Variants in SLC22A3 observed in about 807,000 individuals in gnomAD.
SLC22A3 encodes the protein EMT organic cation transporter 3.
Under a neutral mutation model 59.1 loss-of-function variants are expected in SLC22A3, and 51 were observed. The ratio of observed to expected loss-of-function variants is 0.86; its 90% CI spans 0.69 to 1.09. SLC22A3 has a LOEUF of 1.09. SLC22A3 is among the 50% of genes least tolerant of loss of function. The pLI, the probability that SLC22A3 is intolerant of heterozygous loss-of-function variation, is 0.00. For synonymous variants in SLC22A3, 325 were observed against 292.0 expected (o/e 1.11, Z -1.15); for missense variants, 711 against 726.3 (o/e 0.98, Z 0.24).
chr6:160,363,923 G>C (rs1785112539), intron 1 of SLC22A3, among the ~76,000 whole-genome samples: 2 of 151,840 alleles, frequency 1.3e-5, no homozygotes, highest in African/African-American at 4.8e-5. Flanking sequence ...TGGGAGTGAA[G>C]GGGTTTCCTG....
rs1355430626 is a variant in SLC22A3 at position 160,452,256 on chromosome 6, A to G, written c.*1200A>G. The G allele has an allele frequency of 1.3e-5, 2 of 152,210 alleles. No homozygotes were observed. Among genetic ancestry groups the G allele is most frequent in the Non-Finnish European group, 2.9e-5 (2 of 68,034 alleles). 9.4% of individuals were successfully genotyped at this position (152,210 alleles called of 1,614,324 possible). ...GAAATACTTTATGCAAACAGGCAAA[A>G]TTGGTACCAAAGGGAAACATTAACC... On this transcript the variant is annotated 3_prime_UTR_variant, in exon 11 of 11. Coordinates refer to ENST00000275300, the MANE Select transcript of SLC22A3 (RefSeq NM_021977.4).
At chr6:160,375,381 A>G (rs1356722723) in intron 1 of SLC22A3, among the ~76,000 whole-genome samples, 1 of 152,216 alleles carries the variant, frequency 6.6e-6, no homozygotes, top group Admixed American at 6.5e-5. Flanking sequence ...TTCTTTGCAA[A>G]GCAAACATAA....
At chr6:160,387,663 G>A (rs1786076592) in intron 1 of SLC22A3, among the ~76,000 whole-genome samples, 1 of 152,046 alleles carries the variant, frequency 6.6e-6, no homozygotes, top group African/African-American at 2.4e-5. Flanking sequence ...AGGAAATGCT[G>A]CCCTAGACTT....
At chr6:160,412,360 T>C (rs1787290383) in intron 5 of SLC22A3, among the ~76,000 whole-genome samples, 1 of 152,160 alleles carries the variant, frequency 6.6e-6, no homozygotes, top group South Asian at 2.1e-4. Context: ...TGAAACTCTG[T>C]CTAAAAAAGA....
chr6:160,366,271 T>G (rs1785201327), intron 1 of SLC22A3, among the ~76,000 whole-genome samples: 1 of 152,110 alleles, frequency 6.6e-6, no homozygotes, highest in African/African-American at 2.4e-5. Context: ...CAAAAGTAAT[T>G]TAGTTACTTC....
intron 7 of SLC22A3, among the ~76,000 whole-genome samples, chr6:160,438,490 T>A (rs145253121): frequency 7.2e-5 from 11 of 152,102 alleles, no homozygotes; most frequent in Admixed American, 5.2e-4. Context: ...CATTTACAGA[T>A]GAGTTTATTA....
At chr6:160,425,941 G>A in intron 5 of SLC22A3, 2 of 985,410 alleles carry the variant, frequency 2.0e-6, no homozygotes, top group African/African-American at 3.5e-5. Context: ...GATGGCGTGT[G>A]CTACTGGCTT....
At chr6:160,380,711 A>T (rs1051566565) in intron 1 of SLC22A3, among the ~76,000 whole-genome samples, 1 of 152,188 alleles carries the variant, frequency 6.6e-6, no homozygotes, top group Non-Finnish European at 1.5e-5. Flanking sequence ...TAATCTTTTT[A>T]AAATTATTTG....
chr6:160,367,255 A>C (rs1785237731), intron 1 of SLC22A3, among the ~76,000 whole-genome samples: 1 of 152,176 alleles, frequency 6.6e-6, no homozygotes, highest in Non-Finnish European at 1.5e-5. Flanking sequence ...AGAAGTGCTG[A>C]GCAGAAGGGG....
In SLC22A3 at chr6:160,447,761, C is replaced by T. The variant is rs754400154; in HGVS notation, c.1553C>T (p.Pro518Leu). ...SICGGLVMLL[P>L]ETKGIALPET... ...TGTGGTGGCCTTGTGATGCTTTTGC[C>T]TGAAACCAAGGGTATTGCCTTGCCA... The change falls in exon 10 of 11, where the codon CCT becomes CTT. Residue 518 changes from proline (P) to leucine (L), a missense_variant. Pro to Leu is a moderately conservative substitution (Grantham distance 98). Coordinates refer to ENST00000275300, the MANE Select transcript of SLC22A3 (RefSeq NM_021977.4). The T allele has an allele frequency of 9.3e-6, 15 of 1,613,932 alleles. No individual in the cohort carries two copies. Among genetic ancestry groups the T allele is most frequent in the Non-Finnish European group, 1.3e-5 (15 of 1,180,006 alleles).
At chr6:160,379,277 C>A (rs906662711) in intron 1 of SLC22A3, among the ~76,000 whole-genome samples, 1 of 152,054 alleles carries the variant, frequency 6.6e-6, no homozygotes, top group Non-Finnish European at 1.5e-5. Flanking sequence ...CCCTTGATAC[C>A]CTGTCTACAT....
intron 1 of SLC22A3, among the ~76,000 whole-genome samples, chr6:160,365,472 C>T (rs556152116): frequency 1.3e-5 from 2 of 152,282 alleles, no homozygotes; most frequent in South Asian, 4.1e-4. Flanking sequence ...TCCAATGGGT[C>T]TGGGGTAGGG....
chr6:160,418,245 G>A (rs1427796217), intron 5 of SLC22A3, among the ~76,000 whole-genome samples: 2 of 152,180 alleles, frequency 1.3e-5, no homozygotes, highest in African/African-American at 2.4e-5. Flanking sequence ...GTCTTGCTGA[G>A]TCTTCTAGCT....
intron 5 of SLC22A3, among the ~76,000 whole-genome samples, chr6:160,427,888 AC>A (rs1788020009): frequency 6.6e-6 from 1 of 152,014 alleles, no homozygotes; most frequent in African/African-American, 2.4e-5. Flanking sequence ...GATATTTAGA[AC>A]CTTTCTATTT....
At chr6:160,428,451 G>A (rs1788042242) in intron 5 of SLC22A3, among the ~76,000 whole-genome samples, 1 of 152,202 alleles carries the variant, frequency 6.6e-6, no homozygotes, top group Non-Finnish European at 1.5e-5. Flanking sequence ...CATGAGATGT[G>A]GCAAGTCTGA....
intron 10 of SLC22A3, among the ~76,000 whole-genome samples, chr6:160,449,013 G>A (rs1388718140): frequency 6.6e-6 from 1 of 152,124 alleles, no homozygotes; most frequent in Non-Finnish European, 1.5e-5. Context: ...CTGAGGAACA[G>A]CTTTCTTCCC....
intron 1 of SLC22A3, among the ~76,000 whole-genome samples, chr6:160,354,815 T>C (rs1340302880): frequency 6.6e-6 from 1 of 152,072 alleles, no homozygotes; most frequent in Non-Finnish European, 1.5e-5. Context: ...ACTAATTTGC[T>C]CTAAAGGCTG....
At chr6:160,414,915 A>G (rs1787410764) in intron 5 of SLC22A3, among the ~76,000 whole-genome samples, 1 of 152,120 alleles carries the variant, frequency 6.6e-6, no homozygotes, top group Admixed American at 6.5e-5. Context: ...AAATTGCTCC[A>G]TCTTTGGGCA....
Position 160,410,924 on chromosome 6 carries a change from T to G in SLC22A3, c.975+78T>G, listed in dbSNP as rs187982554. On this transcript the variant is annotated intron_variant, in intron 5 of 10. Coordinates refer to ENST00000275300, the MANE Select transcript of SLC22A3 (RefSeq NM_021977.4). ...TTGTTGCTTCTTGTGTACTTAATGT[T>G]GCTTCTTAAATTTATATACAAAATA... The G allele has an allele frequency of 3.8e-3, 3,012 of 794,004 alleles. 14 individuals are homozygous for G. The highest frequency in any genetic ancestry group is 3.8e-3 in the Non-Finnish European group (1,767 of 467,124). 49.2% of individuals were successfully genotyped at this position (794,004 alleles called of 1,614,324 possible).
Sources: gnomAD v4.1 joint callset for allele counts (sites outside exome capture counted in the v4.1 genomes callset) on GRCh38, gnomAD v4.1.1 for gene constraint, MANE v1.5 for transcripts, NCBI Gene and HGNC (gene_info 2026-07-23, HGNC 2026-07-21) for gene names.